INSL6: variants seen among roughly 807,000 people sequenced by gnomAD.
The protein encoded by INSL6 is insulin like 6.
A neutral mutation model predicts 9.4 loss-of-function variants in INSL6; 16 were observed. That is an observed-to-expected ratio of 1.70 (90% confidence interval 1.15 to 2.59). INSL6 has a LOEUF of 2.59. INSL6 is among the 30% of genes most tolerant of loss of function. The pLI, the probability that INSL6 is intolerant of heterozygous loss-of-function variation, is 0.00. For missense variants in INSL6, 391 were observed against 257.3 expected (o/e 1.52, Z -3.56); for synonymous variants, 154 against 96.9 (o/e 1.59, Z -3.46).
chr9:5,114,264 G>A, the INSL6 span: 1 of 543,678 alleles, frequency 1.8e-6, no homozygotes. Context: ...TCTGGTGGTG[G>A]ACCTGGCACC....
At chr9:5,060,811 A>G in the INSL6 span, among the ~76,000 whole-genome samples, 2 of 151,220 alleles carry the variant, frequency 1.3e-5, no homozygotes, top group Non-Finnish European at 3.0e-5. Context: ...AAGTTTTTCT[A>G]TTTACCCAGC....
chr9:5,160,451 ACT>A, downstream of INSL6, among the ~76,000 whole-genome samples: 1 of 152,308 alleles, frequency 6.6e-6, no homozygotes, highest in Middle Eastern at 3.4e-3. Flanking sequence ...GGAAAGCAGT[ACT>A]GAGAGAGAAG....
chr9:5,126,115 T>A (rs1823977206), intron 3 of INSL6: 1 of 402,600 alleles, frequency 2.5e-6, no homozygotes, highest in Non-Finnish European at 4.4e-6. Context: ...TCAGGGGATT[T>A]GTGTTGAGTT....
the INSL6 span, among the ~76,000 whole-genome samples, chr9:5,014,467 A>G: frequency 2.0e-5 from 3 of 152,232 alleles, no homozygotes; most frequent in Admixed American, 6.5e-5. Flanking sequence ...CTTACCTTCA[A>G]GAAACTTTCA....
At chr9:5,148,944 C>CT (rs1824656212) in intron 2 of INSL6, among the ~76,000 whole-genome samples, 2 of 146,104 alleles carry the variant, frequency 1.4e-5, no homozygotes, top group Non-Finnish European at 2.9e-5. Context: ...GCCTGCAAAA[C>CT]AGACATGCTG....
At chr9:5,137,809 T>C (rs568457059) in intron 2 of INSL6, among the ~76,000 whole-genome samples, 28 of 152,062 alleles carry the variant, frequency 1.8e-4, no homozygotes, top group African/African-American at 6.3e-4. Context: ...GTTACCTACA[T>C]AATGGGAAAA....
downstream of INSL6, among the ~76,000 whole-genome samples, chr9:5,160,288 C>T (rs368971888): frequency 6.7e-5 from 10 of 148,980 alleles, no homozygotes; most frequent in African/African-American, 1.2e-4. Context: ...AAAGCAAAAA[C>T]AAAAGGAATT....
downstream of INSL6, among the ~76,000 whole-genome samples, chr9:5,161,677 T>C (rs148138323): frequency 7.2e-5 from 11 of 152,256 alleles, no homozygotes; most frequent in East Asian, 1.7e-3. Context: ...TGATCTTATA[T>C]TTGGAAAAAT....
chr9:5,069,022 C>T, the INSL6 span: 2 of 1,552,612 alleles, frequency 1.3e-6, no homozygotes, highest in Admixed American at 3.7e-5. Context: ...ACTTATACAG[C>T]GAGAAAATGT....
the INSL6 span, among the ~76,000 whole-genome samples, chr9:5,045,301 C>T: frequency 1.3e-5 from 2 of 152,032 alleles, no homozygotes; most frequent in Non-Finnish European, 2.9e-5. Flanking sequence ...CCTCATGGCT[C>T]GCATTTCTGA....
At chr9:5,122,838 C>T (rs759954215), downstream of INSL6, among the ~76,000 whole-genome samples, 2 of 143,284 alleles carry the variant, frequency 1.4e-5, no homozygotes, top group Non-Finnish European at 3.1e-5. Flanking sequence ...TCTAAGTTCA[C>T]AGGTGCCAGG....
chr9:5,041,250 T>G, the INSL6 span: 1 of 1,447,834 alleles, frequency 6.9e-7, no homozygotes, highest in Middle Eastern at 1.8e-4. Context: ...CAGCACGCCA[T>G]CCACATCATC....
chr9:5,151,336 C>T (rs575886783), intron 2 of INSL6, among the ~76,000 whole-genome samples: 104 of 152,022 alleles, frequency 6.8e-4, no homozygotes, highest in African/African-American at 2.4e-3. Context: ...TAAATATTTT[C>T]CTTTGGAAGA....
the INSL6 span, among the ~76,000 whole-genome samples, chr9:5,010,079 GT>G: frequency 4.6e-4 from 70 of 152,252 alleles, no homozygotes; most frequent in African/African-American, 1.6e-3. Flanking sequence ...GCCTATGTAT[GT>G]TTTAAATAGA....
At chr9:5,171,692 CA>C (rs1427832927) in intron 1 of INSL6, among the ~76,000 whole-genome samples, 2 of 151,986 alleles carry the variant, frequency 1.3e-5, no homozygotes, top group Non-Finnish European at 2.9e-5. Flanking sequence ...TCCTGTATAC[CA>C]AGAACAAGAA....
intron 2 of INSL6, among the ~76,000 whole-genome samples, chr9:5,142,487 T>G (rs370831105): frequency 2.0e-5 from 3 of 152,210 alleles, no homozygotes; most frequent in Non-Finnish European, 4.4e-5. Flanking sequence ...TGTTCCCGAT[T>G]TGGCTCTCAA....
chr9:5,090,746 A>C, the INSL6 span: 1 of 1,602,524 alleles, frequency 6.2e-7, no homozygotes, highest in South Asian at 1.1e-5. Flanking sequence ...TAGGGTATGG[A>C]GTATCTTGGT....
chr9:5,079,544 A>G, the INSL6 span, among the ~76,000 whole-genome samples: 3 of 151,780 alleles, frequency 2.0e-5, no homozygotes, highest in Non-Finnish European at 4.4e-5. Flanking sequence ...CTATTAAATC[A>G]TTAGAACATC....
chr9:5,113,730 C>T, the INSL6 span: 15 of 166,554 alleles, frequency 9.0e-5, no homozygotes, highest in Admixed American at 2.6e-4. Context: ...ACCACCCTCA[C>T]GCCCTCTGGC....
Sources: allele counts gnomAD v4.1 joint callset (sites outside exome capture counted in the v4.1 genomes callset), GRCh38; gene constraint gnomAD v4.1.1; transcripts MANE v1.5; gene names NCBI Gene and HGNC (gene_info 2026-07-23, HGNC 2026-07-21).